Variants in MALRD1 observed in about 807,000 individuals in gnomAD.
MALRD1 encodes MAM and LDL receptor class A domain containing 1, also known as MAM and LDL-receptor class A domain-containing protein 1.
In MALRD1, 247 loss-of-function variants were observed where a neutral mutation model predicts 242.1. That is an observed-to-expected ratio of 1.02 (90% CI 0.92 to 1.13). The LOEUF is 1.13. Among genes scored for constraint, MALRD1 ranks in the 50% most tolerant of loss-of-function variants. The pLI, the probability that MALRD1 is intolerant of heterozygous loss-of-function variation, is 0.00. For missense variants in MALRD1, 2,989 were observed against 2,533.1 expected (o/e 1.18, Z -3.86); for synonymous variants, 995 against 866.6 (o/e 1.15, Z -2.60).
chr10:19,113,895 G>T (rs1836780605), intron 5 of MALRD1, among the ~76,000 whole-genome samples: 1 of 151,770 alleles, frequency 6.6e-6, no homozygotes, highest in Non-Finnish European at 1.5e-5. Flanking sequence ...AGTGCCTTGA[G>T]GCATAGTTCC....
At chr10:19,557,738 C>A (rs1012288224) in intron 32 of MALRD1, among the ~76,000 whole-genome samples, 3 of 151,980 alleles carry the variant, frequency 2.0e-5, no homozygotes, top group African/African-American at 7.2e-5. Context: ...CTCCTTTAAC[C>A]TTGTGTTGGT....
chr10:19,390,532 C>G (rs1441629175), intron 28 of MALRD1, among the ~76,000 whole-genome samples: 2 of 152,148 alleles, frequency 1.3e-5, no homozygotes, highest in African/African-American at 2.4e-5. Flanking sequence ...TGGTCAAACA[C>G]CTTTACTCTT....
chr10:19,616,775 A>G (rs1839176243), intron 36 of MALRD1, among the ~76,000 whole-genome samples: 1 of 152,030 alleles, frequency 6.6e-6, no homozygotes, highest in Admixed American at 6.6e-5. Context: ...AATTCTACCA[A>G]TTAAAACAAT....
At chr10:19,491,243 A>G (rs1837480789) in intron 29 of MALRD1, 1 of 668,394 alleles carries the variant, frequency 1.5e-6, no homozygotes, top group Non-Finnish European at 2.5e-6. Flanking sequence ...TGTGGGCCAC[A>G]AATTTGAGTG....
At chr10:19,250,887 A>G (rs1330417937) in intron 18 of MALRD1, among the ~76,000 whole-genome samples, 2 of 151,918 alleles carry the variant, frequency 1.3e-5, no homozygotes, top group Non-Finnish European at 2.9e-5. Context: ...AATTCTCTGT[A>G]AGTAAAAAAA....
intron 11 of MALRD1, among the ~76,000 whole-genome samples, chr10:19,154,389 T>C (rs1834054461): frequency 6.6e-6 from 1 of 152,196 alleles, no homozygotes; most frequent in Non-Finnish European, 1.5e-5. Flanking sequence ...TGCCTATCAC[T>C]GTGACTATCA....
At chr10:19,433,254 G>T (rs552355473) in intron 28 of MALRD1, among the ~76,000 whole-genome samples, 1 of 152,238 alleles carries the variant, frequency 6.6e-6, no homozygotes, top group South Asian at 2.1e-4. Flanking sequence ...GAGGGGGTCA[G>T]TGAAGGCTCC....
chr10:19,502,438 T>C (rs2131260589), intron 31 of MALRD1, among the ~76,000 whole-genome samples: 1 of 152,304 alleles, frequency 6.6e-6, no homozygotes, highest in African/African-American at 2.4e-5. Flanking sequence ...TAAGTTTATA[T>C]GTAGTGAAGT....
At chr10:19,697,936 TC>T in intron 38 of MALRD1, among the ~76,000 whole-genome samples, 1 of 152,052 alleles carries the variant, frequency 6.6e-6, no homozygotes, top group Non-Finnish European at 1.5e-5. Context: ...GGTTTGCCTC[TC>T]CATCCACTTT....
intron 1 of MALRD1, among the ~76,000 whole-genome samples, chr10:19,054,958 A>G (rs1834618515): frequency 6.6e-6 from 1 of 152,154 alleles, no homozygotes; most frequent in African/African-American, 2.4e-5. Flanking sequence ...AATTTTTAAT[A>G]TTTGAGAAAG....
At chr10:19,281,597 C>T (rs988154512) in intron 20 of MALRD1, among the ~76,000 whole-genome samples, 1 of 152,034 alleles carries the variant, frequency 6.6e-6, no homozygotes, top group Non-Finnish European at 1.5e-5. Flanking sequence ...TCTCTTCCAC[C>T]CTTTTGTAAG....
chr10:19,511,267 C>T lies in MALRD1; in HGVS notation c.5320+12621C>T, dbSNP rs368820209. 4.6e-5 allele frequency among the ~76,000 whole-genome samples: 7 copies of T among 152,074 alleles called. No individual in the cohort carries two copies. In the East Asian group the frequency reaches 1.3e-3, roughly 29 times the overall value. On this transcript the variant is annotated intron_variant, in intron 31 of 39. Coordinates refer to ENST00000454679, the MANE Select transcript of MALRD1 (RefSeq NM_001142308.3). The stretch of plus-strand genomic sequence containing the variant: ...AGTGGTGCCGTTAAAATGCCTAACC[C>T]ACATTGGCCTCTTTTTGAGACATGG...
At chr10:19,216,753 G>T (rs986590822) in intron 18 of MALRD1, among the ~76,000 whole-genome samples, 1 of 151,540 alleles carries the variant, frequency 6.6e-6, no homozygotes, top group East Asian at 2.0e-4. Flanking sequence ...AGACCATCCT[G>T]GCTAACACGG....
At chr10:19,316,497 T>C (rs1842713903) in intron 21 of MALRD1, among the ~76,000 whole-genome samples, 1 of 151,946 alleles carries the variant, frequency 6.6e-6, no homozygotes, top group South Asian at 2.1e-4. Context: ...TAATTTACAT[T>C]CTAAAATCCC....
intron 32 of MALRD1, among the ~76,000 whole-genome samples, chr10:19,559,050 G>A (rs1835847460): frequency 6.6e-6 from 1 of 151,902 alleles, no homozygotes; most frequent in African/African-American, 2.4e-5. Context: ...AGGCATGATG[G>A]TGGGCACCTG....
At chr10:19,559,041 G>A (rs1266307772) in intron 32 of MALRD1, among the ~76,000 whole-genome samples, 1 of 152,054 alleles carries the variant, frequency 6.6e-6, no homozygotes, top group Middle Eastern at 3.4e-3. Context: ...AAATTAGCCA[G>A]GCATGATGGT....
At position 19,243,661 on chromosome 10, in the gene MALRD1, A is replaced by G. The variant is rs11009096; in HGVS notation, c.2992-14023A>G. Among the ~76,000 whole-genome samples, 60 of 152,276 alleles carry G rather than the reference A, an allele frequency of 3.9e-4. 1 individual carries two copies. The East Asian group carries it at 0.011, about 27-fold the overall frequency. On this transcript the variant is annotated intron_variant, in intron 18 of 39. Transcript: ENST00000454679. ...TAAGATTTGTTTATACAGCTGCACAATTAGACAACCAACACTCTTGGGTCT... is the reference window on the plus strand; with the variant it reads ...TAAGATTTGTTTATACAGCTGCACAGTTAGACAACCAACACTCTTGGGTCT...
intron 18 of MALRD1, among the ~76,000 whole-genome samples, chr10:19,237,625 T>TATA (rs1476143750): frequency 5.8e-5 from 3 of 51,324 alleles, no homozygotes; most frequent in East Asian, 1.2e-3. Flanking sequence ...TATAATTATA[T>TATA]AATTATAATT....
chr10:19,622,362 ACT>A (rs1252671712), intron 36 of MALRD1, among the ~76,000 whole-genome samples: 3 of 151,578 alleles, frequency 2.0e-5, no homozygotes, highest in Non-Finnish European at 4.4e-5. Flanking sequence ...AAATGAAAAA[ACT>A]CTATTCACAT....
Sources: allele counts gnomAD v4.1 joint callset (sites outside exome capture counted in the v4.1 genomes callset), GRCh38; gene constraint gnomAD v4.1.1; transcripts MANE v1.5; gene names NCBI Gene and HGNC (gene_info 2026-07-23, HGNC 2026-07-21).